Variants in GREB1L observed in about 807,000 individuals in gnomAD.
The protein encoded by GREB1L is GREB1 like retinoic acid receptor coactivator.
GREB1L carries 17 observed loss-of-function variants against 200.8 expected under a neutral mutation model. That is an observed-to-expected ratio of 0.08 (90% CI 0.06 to 0.13). The LOEUF (loss-of-function observed/expected upper bound fraction) is 0.13. Among genes scored for constraint, GREB1L ranks in the 10% least tolerant of loss-of-function variants. The probability of loss-of-function intolerance (pLI) is 1.00; values close to 1 mark genes in which losing one functional copy is unlikely to be tolerated. For missense variants in GREB1L, 1,657 were observed against 2,367.7 expected, an observed-to-expected ratio of 0.70 and a Z score of 6.23; for synonymous variants, 789 against 893.0, an observed-to-expected ratio of 0.88 and a Z score of 2.08.
chr18:21,440,236 A>AG, intron 8 of GREB1L, 33 bp from the exon 9 acceptor site: 1 of 1,550,132 alleles, frequency 6.5e-7, no homozygotes, highest in South Asian at 1.2e-5. Flanking sequence ...GAACAAGACT[A>AG]TCTCTTTTTT....
At chr18:21,501,248 G>A (rs1285958844) in intron 23 of GREB1L, among the ~76,000 whole-genome samples, 2 of 141,218 alleles carry the variant, frequency 1.4e-5, no homozygotes, top group Non-Finnish European at 3.1e-5. Flanking sequence ...TTTTTGGGCT[G>A]TTTTTTTTTT....
At chr18:21,273,743 T>C (rs561646691) in intron 1 of GREB1L, among the ~76,000 whole-genome samples, 66 of 152,214 alleles carry the variant, frequency 4.3e-4, no homozygotes, top group African/African-American at 1.6e-3. Context: ...CACTTCAGAA[T>C]GTTTGAAGGT....
chr18:21,321,347 T>G (rs954329717), intron 1 of GREB1L, among the ~76,000 whole-genome samples: 1 of 151,536 alleles, frequency 6.6e-6, no homozygotes, highest in African/African-American at 2.4e-5. Flanking sequence ...ACTAAAGAAA[T>G]CTTCCATCAA....
chr18:21,373,488 C>T (rs1233314261), intron 2 of GREB1L, among the ~76,000 whole-genome samples: 5 of 152,080 alleles, frequency 3.3e-5, no homozygotes, highest in Admixed American at 6.5e-5. Flanking sequence ...CACCTACCAC[C>T]GTGCCCAGCT....
rs1453166424 is a variant in GREB1L at position 21,441,462 on chromosome 18, A to G, written c.1132A>G (p.Ile378Val). Reference sequence around the variant, plus strand: ...AACTGGAATTTTACAACCCAGGCCCATTCCTGCAGGGGAAACTGTAATTGT... The same window carrying G: ...AACTGGAATTTTACAACCCAGGCCCGTTCCTGCAGGGGAAACTGTAATTGT... ...PLTGILQPRP[I>V]PAGETVIVPE... Residue 378 changes from isoleucine to valine, a missense_variant, in exon 10 of 33, where the codon ATT becomes GTT. Ile to Val is a conservative substitution (Grantham distance 29, BLOSUM62 3). Around this residue, in one of 9 missense-constraint regions of GREB1L, gnomAD observed 289 missense variants for 345.1 expected, o/e 0.84. Coordinates refer to ENST00000424526, the MANE Select transcript of GREB1L (RefSeq NM_001142966.3). 5 of 1,551,590 alleles carry G rather than the reference A, an allele frequency of 3.2e-6. No individual in the cohort carries two copies. Among genetic ancestry groups the G allele is most frequent in the East Asian group, 2.4e-5 (1 of 40,918 alleles).
At chr18:21,508,746 T>G in intron 27 of GREB1L, 155 bp downstream of exon 27, 2 of 660,078 alleles carry the variant, frequency 3.0e-6, no homozygotes, top group Non-Finnish European at 2.6e-6. Flanking sequence ...TTTTTGACTC[T>G]CCCTTGAATT....
At position 21,497,671 on chromosome 18, in the gene GREB1L, A is replaced by G. The variant is rs559918104; in HGVS notation, c.3391+973A>G. On this transcript the variant is annotated intron_variant, in intron 21 of 32. Transcript: ENST00000424526. ...AAAAAAAAGAAAGAAAGAGAGAGGG[A>G]AAAAAAAAGAAAGAAGAAAGAAAAC... Among the ~76,000 whole-genome samples the G allele has an allele frequency of 3.0e-3, 431 of 143,636 alleles. 2 individuals are homozygous for G. In the South Asian group the frequency reaches 0.035, roughly 12 times the overall value. 94.2% of individuals were successfully genotyped at this position (143,636 alleles called of 152,430 possible).
intron 4 of GREB1L, among the ~76,000 whole-genome samples, chr18:21,386,593 C>CT (rs35010034): frequency 0.05 from 5,757 of 115,104 alleles, 422 homozygotes; most frequent in African/African-American, 0.13. Flanking sequence ...TGGCCAGTAG[C>CT]TTTTTTTTTT....
chr18:21,397,830 A>G (rs1458043949), intron 5 of GREB1L, among the ~76,000 whole-genome samples: 2 of 152,214 alleles, frequency 1.3e-5, no homozygotes, highest in Non-Finnish European at 2.9e-5. Flanking sequence ...TTTTTCATTC[A>G]GCAGTATTTA....
At chr18:21,356,480 A>G (rs2143441081) in intron 1 of GREB1L, among the ~76,000 whole-genome samples, 1 of 152,240 alleles carries the variant, frequency 6.6e-6, no homozygotes, top group Non-Finnish European at 1.5e-5. Flanking sequence ...AGGTTCATCA[A>G]TGTTGTTCCA....
chr18:21,273,905 TA>T (rs997141252), intron 1 of GREB1L, among the ~76,000 whole-genome samples: 21 of 151,154 alleles, frequency 1.4e-4, no homozygotes, highest in African/African-American at 3.4e-4. Flanking sequence ...TGCATGTGAT[TA>T]AAAAAAAATG....
At chr18:21,293,887 C>T (rs1445386472) in intron 1 of GREB1L, among the ~76,000 whole-genome samples, 1 of 152,150 alleles carries the variant, frequency 6.6e-6, no homozygotes, top group Non-Finnish European at 1.5e-5. Context: ...TCGAGTGATA[C>T]TCATACCTCA....
chr18:21,426,980 A>C (rs1233546278), intron 7 of GREB1L, among the ~76,000 whole-genome samples: 31 of 79,142 alleles, frequency 3.9e-4, no homozygotes, highest in African/African-American at 2.6e-3. Context: ...AAACAAAAAA[A>C]AAAAAAACAA....
At chr18:21,292,262 G>C (rs917905457) in intron 1 of GREB1L, among the ~76,000 whole-genome samples, 3 of 152,202 alleles carry the variant, frequency 2.0e-5, no homozygotes, top group African/African-American at 7.2e-5. Context: ...TTGATGCACT[G>C]TCTGGTGCTG....
intron 19 of GREB1L, among the ~76,000 whole-genome samples, chr18:21,492,565 C>G (rs2036384748): frequency 6.6e-6 from 1 of 152,074 alleles, no homozygotes; most frequent in Non-Finnish European, 1.5e-5. Context: ...ATCAGTCTGT[C>G]CTAAATAATT....
At chr18:21,426,137 A>C (rs962463211) in intron 7 of GREB1L, among the ~76,000 whole-genome samples, 1 of 151,084 alleles carries the variant, frequency 6.6e-6, no homozygotes, top group Non-Finnish European at 1.5e-5. Context: ...GCTCACTGCA[A>C]CCTCTGTGTC....
At position 21,475,265 on chromosome 18, in the gene GREB1L, C is replaced by A. The variant is rs140878166; in HGVS notation, c.2364-1899C>A. 4.0e-3 allele frequency among the ~76,000 whole-genome samples: 605 copies of A among 152,262 alleles called. 1 individual carries two copies. Among genetic ancestry groups the A allele is most frequent in the Middle Eastern group, 0.024 (7 of 294 alleles). On this transcript the variant is annotated intron_variant, in intron 16 of 32. Coordinates refer to ENST00000424526, the MANE Select transcript of GREB1L (RefSeq NM_001142966.3). ...TTCTCCTCTTCCTTGCCCTTCTCCC[C>A]TCTTGCCTTTAAAAGCAGTAGAGAT...
chr18:21,500,149 T>C lies in GREB1L; in HGVS notation c.3812T>C (p.Leu1271Pro). Residue 1271 changes from leucine (L) to proline (P), a missense_variant, in exon 22 of 33, where the codon CTC becomes CCC. By Grantham distance (98) the Leu-to-Pro change is moderately conservative. Coordinates refer to ENST00000424526, the MANE Select transcript of GREB1L (RefSeq NM_001142966.3). ...GCCTGGGTGAGCTCCCTGCGGCCACTCCTGAACAAGGACATGAGCAGTGAG... is the reference window on the plus strand; with the variant it reads ...GCCTGGGTGAGCTCCCTGCGGCCACCCCTGAACAAGGACATGAGCAGTGAG... ...DVAWVSSLRP[L>P]LNKDMSSEEQ... 6.4e-7 allele frequency: 1 copy of C among 1,551,488 alleles called. No homozygotes were observed. Among genetic ancestry groups the C allele is most frequent in the South Asian group, 1.2e-5 (1 of 84,066 alleles).
chr18:21,459,576 C>T (rs1281679461), intron 15 of GREB1L, among the ~76,000 whole-genome samples: 4 of 151,856 alleles, frequency 2.6e-5, no homozygotes, highest in East Asian at 1.9e-4. Context: ...AGTGAGCCAC[C>T]GCGCATGGCC....
Sources: allele counts gnomAD v4.1 joint callset (sites outside exome capture counted in the v4.1 genomes callset), GRCh38; gene constraint gnomAD v4.1.1; regional missense constraint gnomAD v4.1.1; transcripts MANE v1.5; gene names NCBI Gene and HGNC (gene_info 2026-07-23, HGNC 2026-07-21).